The following ARB2A variants were observed in gnomAD, a reference collection of about 807,000 sequenced individuals.
ARB2A encodes ARB2 cotranscriptional regulator A.
the ARB2A span, among the ~76,000 whole-genome samples, chr5:93,682,638 A>C: frequency 2.4e-3 from 369 of 152,254 alleles, 3 homozygotes; most frequent in African/African-American, 8.4e-3. Context: ...CTTAAAACCA[A>C]GCAAAGGGTG....
the ARB2A span, among the ~76,000 whole-genome samples, chr5:94,006,874 T>C: frequency 6.6e-6 from 1 of 152,226 alleles, no homozygotes; most frequent in East Asian, 1.9e-4. Context: ...TGTTTCTTCC[T>C]CAACAGAAAA....
chr5:93,740,651 A>AG, the ARB2A span: 1 of 1,613,928 alleles, frequency 6.2e-7, no homozygotes, highest in Non-Finnish European at 8.5e-7. Flanking sequence ...AGACGTGTAT[A>AG]GTGGGGGATA....
the ARB2A span, among the ~76,000 whole-genome samples, chr5:93,779,481 C>T: frequency 1.3e-5 from 2 of 152,076 alleles, no homozygotes; most frequent in African/African-American, 4.8e-5. Flanking sequence ...AGGCAGCCCA[C>T]TAGGAAAGCC....
chr5:93,650,296 ATACTT>A, the ARB2A span, among the ~76,000 whole-genome samples: 4 of 152,200 alleles, frequency 2.6e-5, no homozygotes, highest in South Asian at 4.1e-4. Flanking sequence ...TAAAAATAGA[ATACTT>A]TAACAGACAA....
chr5:93,745,460 G>A, the ARB2A span, among the ~76,000 whole-genome samples: 3 of 152,166 alleles, frequency 2.0e-5, no homozygotes, highest in African/African-American at 7.2e-5. Flanking sequence ...AGTGCTCTGA[G>A]TATAGTAAGT....
At chr5:93,988,044 T>C in the ARB2A span, among the ~76,000 whole-genome samples, 1 of 152,130 alleles carries the variant, frequency 6.6e-6, no homozygotes, top group African/African-American at 2.4e-5. Flanking sequence ...ACCTCCTCCT[T>C]CATCCTCCCC....
the ARB2A span, among the ~76,000 whole-genome samples, chr5:94,029,909 T>C: frequency 1.3e-5 from 2 of 152,216 alleles, no homozygotes; most frequent in African/African-American, 4.8e-5. Context: ...AGAGGTTTAA[T>C]TGACTCACAG....
At chr5:94,026,369 C>T in the ARB2A span, among the ~76,000 whole-genome samples, 22 of 151,646 alleles carry the variant, frequency 1.5e-4, no homozygotes, top group Non-Finnish European at 2.4e-4. Context: ...GTCCTGTGTC[C>T]AAGAAGAAGG....
the ARB2A span, among the ~76,000 whole-genome samples, chr5:93,893,907 T>C: frequency 6.6e-6 from 1 of 152,174 alleles, no homozygotes; most frequent in Non-Finnish European, 1.5e-5. Context: ...ATTATCCCTG[T>C]AAAACTTACA....
the ARB2A span, among the ~76,000 whole-genome samples, chr5:93,885,420 T>C: frequency 2.0e-5 from 3 of 151,630 alleles, no homozygotes; most frequent in African/African-American, 4.8e-5. Context: ...AAAAGTTAGG[T>C]CACTTCAAAT....
At chr5:93,713,771 T>C in the ARB2A span, among the ~76,000 whole-genome samples, 1 of 152,226 alleles carries the variant, frequency 6.6e-6, no homozygotes, top group Non-Finnish European at 1.5e-5. Flanking sequence ...AAAATTTTCA[T>C]TGTCCATAAG....
chr5:93,672,485 T>G, the ARB2A span, among the ~76,000 whole-genome samples: 2 of 152,016 alleles, frequency 1.3e-5, no homozygotes, highest in Non-Finnish European at 2.9e-5. Context: ...AATTTTTATA[T>G]TTTTAGTAGA....
chr5:93,732,117 C>T, the ARB2A span, among the ~76,000 whole-genome samples: 53 of 152,124 alleles, frequency 3.5e-4, no homozygotes, highest in African/African-American at 1.3e-3. Context: ...TGTAGCCTCT[C>T]CCAAAGCTTC....
At chr5:93,752,148 T>C in the ARB2A span, among the ~76,000 whole-genome samples, 152 of 152,104 alleles carry the variant, frequency 1.0e-3, no homozygotes, top group Admixed American at 1.6e-3. Context: ...GTGAACCAGA[T>C]AGAGCTAACA....
chr5:93,843,591 GC>G, the ARB2A span, among the ~76,000 whole-genome samples: 1 of 151,802 alleles, frequency 6.6e-6, no homozygotes, highest in Non-Finnish European at 1.5e-5. Context: ...GCCCCACCAT[GC>G]CTGGCTAATT....
the ARB2A span, among the ~76,000 whole-genome samples, chr5:93,623,943 T>C: frequency 6.6e-6 from 1 of 152,186 alleles, no homozygotes; most frequent in Non-Finnish European, 1.5e-5. Context: ...ACTGCATATA[T>C]ACATTTCAAG....
At chr5:93,937,363 G>C in the ARB2A span, among the ~76,000 whole-genome samples, 2 of 150,172 alleles carry the variant, frequency 1.3e-5, no homozygotes, top group African/African-American at 4.9e-5. Context: ...AGCACTTTGG[G>C]AGGCCAAGGT....
chr5:93,732,948 T>C, the ARB2A span, among the ~76,000 whole-genome samples: 1 of 152,044 alleles, frequency 6.6e-6, no homozygotes, highest in Admixed American at 6.5e-5. Context: ...CTATGTAATA[T>C]ATCTTCTAAA....
the ARB2A span, chr5:93,736,284 T>C: frequency 6.6e-6 from 1 of 152,314 alleles, no homozygotes; most frequent in South Asian, 2.1e-4. Context: ...CCTGAAACAA[T>C]ACAGCTTATA....
Sources: allele counts gnomAD v4.1 joint callset (sites outside exome capture counted in the v4.1 genomes callset), GRCh38; gene constraint gnomAD v4.1.1; transcripts MANE v1.5; gene names NCBI Gene and HGNC (gene_info 2026-07-23, HGNC 2026-07-21).